Variants in ATRNL1 observed in about 807,000 individuals in gnomAD.
ATRNL1 encodes the protein attractin like 1.
In ATRNL1, 95 loss-of-function variants were observed where a neutral mutation model predicts 182.7. That is an observed-to-expected ratio of 0.52 (90% CI 0.44 to 0.62). The LOEUF (loss-of-function observed/expected upper bound fraction) is 0.62, where lower values mean the gene tolerates loss of function less well. ATRNL1 is among the 20% of genes least tolerant of loss of function. The pLI is 0.00. For missense variants in ATRNL1, 1,471 were observed against 1,679.5 expected (o/e 0.88, Z 2.17); for synonymous variants, 576 against 568.3 (o/e 1.01, Z -0.19).
chr10:115,280,182 A>C (rs1392270211), intron 13 of ATRNL1, among the ~76,000 whole-genome samples: 1 of 152,192 alleles, frequency 6.6e-6, no homozygotes, highest in Admixed American at 6.5e-5. Flanking sequence ...TGATGTGTGA[A>C]GCTAAAAGCC....
At chr10:115,432,621 A>G (rs572045311) in intron 21 of ATRNL1, among the ~76,000 whole-genome samples, 2 of 152,286 alleles carry the variant, frequency 1.3e-5, no homozygotes, top group South Asian at 2.1e-4. Flanking sequence ...AGCAGTTGTA[A>G]TCTATTTACT....
At chr10:115,343,213 A>G (rs1564933787) in intron 19 of ATRNL1, among the ~76,000 whole-genome samples, 1 of 151,932 alleles carries the variant, frequency 6.6e-6, no homozygotes, top group Non-Finnish European at 1.5e-5. Flanking sequence ...TAAACTTTCT[A>G]CCCTTATCTG....
chr10:115,466,130 C>T (rs1265994690), intron 22 of ATRNL1, among the ~76,000 whole-genome samples: 2 of 151,412 alleles, frequency 1.3e-5, no homozygotes, highest in Non-Finnish European at 3.0e-5. Flanking sequence ...TGTCAGTTTT[C>T]CCCTAAGACT....
chr10:115,637,707 C>A (rs1858975403), intron 26 of ATRNL1, among the ~76,000 whole-genome samples: 1 of 151,108 alleles, frequency 6.6e-6, no homozygotes, highest in Non-Finnish European at 1.5e-5. Flanking sequence ...TCACTGCAAC[C>A]TCCGCCTCCC....
intron 20 of ATRNL1, among the ~76,000 whole-genome samples, chr10:115,402,001 A>G (rs1844588307): frequency 6.6e-6 from 1 of 152,186 alleles, no homozygotes; most frequent in Non-Finnish European, 1.5e-5. Context: ...CTTAAGAGGT[A>G]TCTCAAATAT....
At chr10:115,802,285 G>A (rs1949816671) in intron 27 of ATRNL1, among the ~76,000 whole-genome samples, 1 of 152,122 alleles carries the variant, frequency 6.6e-6, no homozygotes, top group South Asian at 2.1e-4. Context: ...AGTGATTGAA[G>A]CCATTTCCTC....
chr10:115,812,946 T>G (rs183971739), intron 27 of ATRNL1, among the ~76,000 whole-genome samples: 1 of 152,168 alleles, frequency 6.6e-6, no homozygotes, highest in African/African-American at 2.4e-5. Flanking sequence ...CAATATTAAT[T>G]ATTTAATTTA....
chr10:115,183,894 C>G (rs1252678086), intron 8 of ATRNL1, among the ~76,000 whole-genome samples: 1 of 151,340 alleles, frequency 6.6e-6, no homozygotes, highest in Admixed American at 6.6e-5. Flanking sequence ...GAAATAAAAC[C>G]TTTCCCCGTT....
chr10:115,359,866 T>C (rs1357499069), intron 19 of ATRNL1, among the ~76,000 whole-genome samples: 1 of 151,568 alleles, frequency 6.6e-6, no homozygotes, highest in Non-Finnish European at 1.5e-5. Flanking sequence ...TACAATAAGT[T>C]ACTAGATAAC....
intron 26 of ATRNL1, among the ~76,000 whole-genome samples, chr10:115,625,039 G>C (rs1380930537): frequency 6.6e-6 from 1 of 152,064 alleles, no homozygotes; most frequent in Non-Finnish European, 1.5e-5. Flanking sequence ...CTTTGTGGAA[G>C]GGAGGTTGCG....
chr10:115,591,124 T>C (rs1855876209), intron 26 of ATRNL1, among the ~76,000 whole-genome samples: 2 of 152,230 alleles, frequency 1.3e-5, no homozygotes, highest in Non-Finnish European at 1.5e-5. Flanking sequence ...AATACATACG[T>C]GTATACACAC....
At chr10:115,424,245 G>T (rs1389002404) in intron 20 of ATRNL1, among the ~76,000 whole-genome samples, 7 of 152,134 alleles carry the variant, frequency 4.6e-5, no homozygotes, top group Admixed American at 2.6e-4. Context: ...CCTCACACTA[G>T]TTAGAATGGC....
intron 25 of ATRNL1, among the ~76,000 whole-genome samples, chr10:115,521,980 C>T (rs1037765190): frequency 1.1e-4 from 17 of 152,142 alleles, no homozygotes; most frequent in South Asian, 4.1e-4. Context: ...GAGCTGAGTG[C>T]GTCAGCTTTG....
intron 8 of ATRNL1, among the ~76,000 whole-genome samples, chr10:115,179,146 A>G (rs1246224545): frequency 3.3e-5 from 5 of 152,098 alleles, no homozygotes; most frequent in Admixed American, 2.6e-4. Flanking sequence ...ATTGTGTACT[A>G]TACGTAATTA....
chr10:115,892,881 A>C (rs1438524447), intron 28 of ATRNL1, among the ~76,000 whole-genome samples: 1 of 152,230 alleles, frequency 6.6e-6, no homozygotes, highest in Non-Finnish European at 1.5e-5. Context: ...AATGTTCCAT[A>C]AGTTGATAAA....
At chr10:115,746,366 A>G (rs1321873450) in intron 27 of ATRNL1, among the ~76,000 whole-genome samples, 1 of 152,060 alleles carries the variant, frequency 6.6e-6, no homozygotes, top group Non-Finnish European at 1.5e-5. Context: ...TTACATGTGG[A>G]GTATTTACTA....
At chr10:115,338,267 T>G (rs2134086094) in intron 19 of ATRNL1, among the ~76,000 whole-genome samples, 1 of 152,334 alleles carries the variant, frequency 6.6e-6, no homozygotes, top group East Asian at 1.9e-4. Context: ...ATGGAATTGC[T>G]GGATCATACG....
chr10:115,456,317 A>G (rs2134507118), intron 21 of ATRNL1, among the ~76,000 whole-genome samples: 1 of 152,346 alleles, frequency 6.6e-6, no homozygotes, highest in South Asian at 2.1e-4. Context: ...ATAAAGAATG[A>G]GTTCATGCCC....
intron 1 of ATRNL1, among the ~76,000 whole-genome samples, chr10:115,117,053 G>A (rs1844517595): frequency 6.6e-6 from 1 of 151,924 alleles, no homozygotes; most frequent in African/African-American, 2.4e-5. Context: ...TTTGGAGGAA[G>A]GGGGATATAT....
Sources: allele counts gnomAD v4.1 joint callset (sites outside exome capture counted in the v4.1 genomes callset), GRCh38; gene constraint gnomAD v4.1.1; transcripts MANE v1.5; gene names NCBI Gene and HGNC (gene_info 2026-07-23, HGNC 2026-07-21).